The following CSMD1 variants were observed in gnomAD, a reference collection of about 807,000 sequenced individuals.
CSMD1 encodes CUB and Sushi multiple domains 1.
A neutral mutation model predicts 417.5 loss-of-function variants in CSMD1; 213 were observed. The observed-to-expected ratio is 0.51, with a 90% CI of 0.46 to 0.57. The LOEUF (loss-of-function observed/expected upper bound fraction) is 0.57, where lower values mean the gene tolerates loss of function less well. Ranked by LOEUF, CSMD1 falls within the 20% of genes least tolerant of loss-of-function variation. The pLI, the probability that CSMD1 is intolerant of heterozygous loss-of-function variation, is 0.00. For missense variants in CSMD1, 6,923 were observed against 4,529.7 expected, an observed-to-expected ratio of 1.53 and a Z score of -15.17; for synonymous variants, 2,862 against 1,736.8, an observed-to-expected ratio of 1.65 and a Z score of -16.11.
intron 57 of CSMD1, among the ~76,000 whole-genome samples, chr8:2,971,838 A>G (rs1409359656): frequency 1.3e-5 from 2 of 152,202 alleles, no homozygotes; most frequent in Non-Finnish European, 2.9e-5. Context: ...ACTACTAATC[A>G]GTGGTATTTG....
intron 3 of CSMD1, among the ~76,000 whole-genome samples, chr8:4,330,489 C>G (rs1477288430): frequency 6.6e-6 from 1 of 151,558 alleles, no homozygotes; most frequent in African/African-American, 2.4e-5. Context: ...ACTTAGGAGG[C>G]TGAGACAGGA....
chr8:4,257,625 A>G (rs1206038113), intron 3 of CSMD1, among the ~76,000 whole-genome samples: 1 of 152,198 alleles, frequency 6.6e-6, no homozygotes, highest in Non-Finnish European at 1.5e-5. Flanking sequence ...AGTTTGTCCT[A>G]CTGTTTCAGG....
intron 23 of CSMD1, among the ~76,000 whole-genome samples, chr8:3,308,851 G>A (rs756817684): frequency 7.3e-5 from 11 of 149,968 alleles, no homozygotes; most frequent in Admixed American, 1.3e-4. Flanking sequence ...AGCCTCCCAG[G>A]TAGCTGGGAT....
At position 3,662,030 on chromosome 8, in the gene CSMD1, C is replaced by T. The variant is rs185340407; in HGVS notation, c.1010-45233G>A. Among the ~76,000 whole-genome samples the T allele has an allele frequency of 5.5e-4, 83 of 152,126 alleles. 2 individuals carry two copies. Among genetic ancestry groups the T allele is most frequent in the Admixed American group, 4.7e-3 (72 of 15,262 alleles). On this transcript the variant is annotated intron_variant, in intron 7 of 69. Coordinates refer to ENST00000635120, the MANE Select transcript of CSMD1 (RefSeq NM_033225.6). ...ATGGAAGAAGCGGGGGATTTTTACT[C>T]GAAGTCGTAGAAAACATGAAAGGCA... is the stretch of plus-strand genomic sequence containing the variant.
chr8:4,651,888 A>G (rs1245792784), intron 1 of CSMD1, among the ~76,000 whole-genome samples: 1 of 152,206 alleles, frequency 6.6e-6, no homozygotes, highest in African/African-American at 2.4e-5. Flanking sequence ...CAAGTTAGGG[A>G]GAGACATTAG....
intron 2 of CSMD1, among the ~76,000 whole-genome samples, chr8:4,453,733 C>G (rs566108401): frequency 6.6e-6 from 1 of 151,994 alleles, no homozygotes; most frequent in South Asian, 2.1e-4. Context: ...TTAACCATCC[C>G]CAAACGTAAT....
chr8:3,827,666 G>C (rs960441424), intron 5 of CSMD1, among the ~76,000 whole-genome samples: 4 of 152,196 alleles, frequency 2.6e-5, no homozygotes, highest in East Asian at 3.8e-4. Flanking sequence ...ATTTTTGAAA[G>C]TCAGATAAAC....
intron 3 of CSMD1, among the ~76,000 whole-genome samples, chr8:4,053,223 C>G (rs1798524307): frequency 6.6e-6 from 1 of 152,202 alleles, no homozygotes; most frequent in Non-Finnish European, 1.5e-5. Flanking sequence ...TCACTAACAA[C>G]AGCACCGTGT....
At chr8:3,489,864 T>A (rs1818270891) in intron 11 of CSMD1, among the ~76,000 whole-genome samples, 1 of 152,108 alleles carries the variant, frequency 6.6e-6, no homozygotes, top group Admixed American at 6.5e-5. Context: ...AAATATTGAG[T>A]TTGAAGTAGT....
At chr8:4,276,735 G>A (rs918656156) in intron 3 of CSMD1, among the ~76,000 whole-genome samples, 4 of 152,162 alleles carry the variant, frequency 2.6e-5, no homozygotes, top group African/African-American at 7.2e-5. Context: ...AAAAGGAAAT[G>A]TATATGTGTT....
intron 1 of CSMD1, among the ~76,000 whole-genome samples, chr8:4,859,563 G>A (rs546622698): frequency 1.3e-5 from 2 of 151,736 alleles, no homozygotes; most frequent in East Asian, 1.9e-4. Context: ...AAATTTACAA[G>A]AAAAAAACAA....
chr8:4,584,319 G>A (rs11987658), intron 2 of CSMD1, among the ~76,000 whole-genome samples: 3,425 of 151,836 alleles, frequency 0.023, 113 homozygotes, highest in African/African-American at 0.078. Flanking sequence ...GTCGCCTATC[G>A]CCGAGTAGTG....
chr8:3,334,773 G>T (rs896091200), intron 23 of CSMD1, among the ~76,000 whole-genome samples: 1 of 152,208 alleles, frequency 6.6e-6, no homozygotes, highest in Non-Finnish European at 1.5e-5. Flanking sequence ...TGCAGAGTAA[G>T]TAGAGTGGGA....
intron 3 of CSMD1, among the ~76,000 whole-genome samples, chr8:4,185,301 T>A (rs1231373659): frequency 1.3e-5 from 2 of 152,122 alleles, no homozygotes; most frequent in African/African-American, 4.8e-5. Flanking sequence ...AATCTTTTTG[T>A]TTTAGGGACC....
At chr8:4,992,049 G>A (rs1292466687) in intron 1 of CSMD1, among the ~76,000 whole-genome samples, 1 of 152,166 alleles carries the variant, frequency 6.6e-6, no homozygotes, top group Non-Finnish European at 1.5e-5. Flanking sequence ...GGGACCCTGG[G>A]CTCCACTTCT....
chr8:4,682,360 T>A (rs1251027209), intron 1 of CSMD1, among the ~76,000 whole-genome samples: 1 of 152,212 alleles, frequency 6.6e-6, no homozygotes, highest in African/African-American at 2.4e-5. Context: ...TTAGTCAGAA[T>A]GCTGTATTTA....
intron 1 of CSMD1, among the ~76,000 whole-genome samples, chr8:4,750,005 AT>A (rs1563287264): frequency 1.2e-4 from 18 of 151,968 alleles, no homozygotes; most frequent in African/African-American, 3.4e-4. Flanking sequence ...AAAAAAAATA[AT>A]AATTATTATT....
intron 3 of CSMD1, among the ~76,000 whole-genome samples, chr8:4,360,135 G>C (rs192515224): frequency 1.7e-4 from 26 of 152,240 alleles, no homozygotes; most frequent in Non-Finnish European, 2.6e-4. Flanking sequence ...GTTTGGCTGT[G>C]AGGATGATCT....
chr8:3,312,726 A>T (rs1409931387), intron 23 of CSMD1, among the ~76,000 whole-genome samples: 7 of 152,288 alleles, frequency 4.6e-5, no homozygotes, highest in East Asian at 3.9e-4. Flanking sequence ...GTCGCCTGCT[A>T]GGGAGAAGAG....
Sources: allele counts gnomAD v4.1 joint callset (sites outside exome capture counted in the v4.1 genomes callset), GRCh38; gene constraint gnomAD v4.1.1; transcripts MANE v1.5; gene names NCBI Gene and HGNC (gene_info 2026-07-23, HGNC 2026-07-21).